Variants in STX18 observed in about 807,000 individuals in gnomAD.
STX18 encodes the protein syntaxin 18, also known as syntaxin-18.
A neutral mutation model predicts 50.1 loss-of-function variants in STX18; 40 were observed. That is an observed-to-expected ratio of 0.80 (90% CI 0.62 to 1.04). The LOEUF is 1.04. Ranked by LOEUF, STX18 falls within the 50% of genes least tolerant of loss-of-function variation. STX18 has a pLI of 0.00. For synonymous variants in STX18, 158 were observed against 151.8 expected, an observed-to-expected ratio of 1.04 and a Z score of -0.30; for missense variants, 410 against 415.8, an observed-to-expected ratio of 0.99 and a Z score of 0.12.
At chr4:4,477,216 C>A (rs2108843659) in intron 1 of STX18, among the ~76,000 whole-genome samples, 1 of 152,252 alleles carries the variant, frequency 6.6e-6, no homozygotes, top group South Asian at 2.1e-4. Context: ...GCACTCCAGC[C>A]TGGTGACAGA....
intron 5 of STX18, among the ~76,000 whole-genome samples, chr4:4,456,350 C>G (rs570039671): frequency 6.6e-6 from 1 of 152,300 alleles, no homozygotes; most frequent in Admixed American, 6.5e-5. Flanking sequence ...TAAAACCTTT[C>G]TAAAGCTAGT....
chr4:4,487,032 C>T (rs1201067622), intron 1 of STX18, among the ~76,000 whole-genome samples: 1 of 152,056 alleles, frequency 6.6e-6, no homozygotes, highest in Non-Finnish European at 1.5e-5. Flanking sequence ...AAACAAAAAA[C>T]TTTCTGCCTG....
intron 1 of STX18, among the ~76,000 whole-genome samples, chr4:4,534,487 A>G (rs948871116): frequency 3.9e-5 from 6 of 152,194 alleles, no homozygotes; most frequent in Non-Finnish European, 5.9e-5. Context: ...ACTAAATACT[A>G]AATACCTACT....
chr4:4,505,192 C>T (rs1205328446), intron 1 of STX18, among the ~76,000 whole-genome samples: 1 of 152,092 alleles, frequency 6.6e-6, no homozygotes, highest in African/African-American at 2.4e-5. Flanking sequence ...GGTTATGTCC[C>T]AATAAATCCA....
At chr4:4,427,657 G>C (rs1725317507) in intron 7 of STX18, among the ~76,000 whole-genome samples, 1 of 152,176 alleles carries the variant, frequency 6.6e-6, no homozygotes, top group Admixed American at 6.5e-5. Context: ...GGTTTGGGGT[G>C]ATTCATTCCT....
At chr4:4,460,887 T>A (rs527247276) in intron 2 of STX18, among the ~76,000 whole-genome samples, 1 of 152,186 alleles carries the variant, frequency 6.6e-6, no homozygotes, top group South Asian at 2.1e-4. Flanking sequence ...ACCAGATGAA[T>A]GGCTCCCCTC....
rs750381554 is a variant in STX18, at chr4:4,542,001, C to T, written c.-37G>A. On this transcript the variant is annotated 5_prime_UTR_variant, in exon 1 of 11. Transcript: ENST00000306200. ...CCCTCAGCCCCACACTAGGCCCGCC[C>T]ACGTAAGCAGCCGGCGACCGCGGCG... The T allele has an allele frequency of 7.2e-6, 11 of 1,532,150 alleles. No homozygotes were observed. The Admixed American group carries it at 7.8e-5, about 11-fold the overall frequency. The allele number at this position is 1,532,150 out of a possible 1,614,324, so 94.9% of individuals were successfully genotyped here. A position where few individuals can be genotyped will look rare whatever the true frequency, so the allele number is the denominator to read the frequency against.
chr4:4,525,520 T>C (rs1424005558), intron 1 of STX18, among the ~76,000 whole-genome samples: 1 of 152,192 alleles, frequency 6.6e-6, no homozygotes, highest in Non-Finnish European at 1.5e-5. Context: ...TCAAATGCCA[T>C]GTATGAATCC....
At chr4:4,421,643 A>G (rs1026665940) in intron 9 of STX18, among the ~76,000 whole-genome samples, 4 of 152,144 alleles carry the variant, frequency 2.6e-5, no homozygotes, top group Non-Finnish European at 5.9e-5. Flanking sequence ...CCTAAGAGCT[A>G]TTGTTTGTGG....
intron 5 of STX18, among the ~76,000 whole-genome samples, chr4:4,445,610 A>G (rs1006611833): frequency 6.6e-6 from 1 of 152,162 alleles, no homozygotes; most frequent in Non-Finnish European, 1.5e-5. Flanking sequence ...AAATCCAGGA[A>G]TAAATCTAAC....
At chr4:4,454,180 A>T (rs1485117932) in intron 5 of STX18, among the ~76,000 whole-genome samples, 5 of 152,230 alleles carry the variant, frequency 3.3e-5, no homozygotes, top group Non-Finnish European at 7.3e-5. Context: ...CGTTTTAGGC[A>T]GATGCCTTCT....
At chr4:4,509,247 C>T (rs529655595) in intron 1 of STX18, among the ~76,000 whole-genome samples, 5 of 151,538 alleles carry the variant, frequency 3.3e-5, no homozygotes, top group Non-Finnish European at 5.9e-5. Context: ...TTTTAGTAAT[C>T]GCCATTCTAA....
chr4:4,451,923 G>GA (rs1471755746), intron 5 of STX18, among the ~76,000 whole-genome samples: 1 of 152,234 alleles, frequency 6.6e-6, no homozygotes, highest in Non-Finnish European at 1.5e-5. Context: ...GTCAAAAGCT[G>GA]AGACAGGCTA....
chr4:4,480,917 T>C (rs540065964), intron 1 of STX18, among the ~76,000 whole-genome samples: 1 of 152,302 alleles, frequency 6.6e-6, no homozygotes, highest in African/African-American at 2.4e-5. Flanking sequence ...AATGAGATTG[T>C]TTTTAAGCAT....
chr4:4,482,383 T>C (rs542902547), intron 1 of STX18, among the ~76,000 whole-genome samples: 1 of 152,326 alleles, frequency 6.6e-6, no homozygotes, highest in African/African-American at 2.4e-5. Flanking sequence ...CCCAACGGTA[T>C]CCTCATGCAG....
At chr4:4,450,653 C>T (rs1726697044) in intron 5 of STX18, among the ~76,000 whole-genome samples, 1 of 152,174 alleles carries the variant, frequency 6.6e-6, no homozygotes, top group African/African-American at 2.4e-5. Flanking sequence ...AACCACCCGC[C>T]TCTACCACCC....
At chr4:4,517,994 C>CA (rs1457638330) in intron 1 of STX18, among the ~76,000 whole-genome samples, 2 of 152,114 alleles carry the variant, frequency 1.3e-5, no homozygotes, top group Admixed American at 1.3e-4. Flanking sequence ...AGGCTGGTCT[C>CA]AAACTCCTGA....
At chr4:4,447,374 G>C (rs904258891) in intron 5 of STX18, among the ~76,000 whole-genome samples, 1 of 151,478 alleles carries the variant, frequency 6.6e-6, no homozygotes, top group Admixed American at 6.6e-5. Flanking sequence ...CGGATCACGA[G>C]GTCAGGAGAT....
intron 2 of STX18, among the ~76,000 whole-genome samples, chr4:4,464,591 ACACTTT>A (rs781115944): frequency 9.9e-5 from 15 of 152,126 alleles, no homozygotes; most frequent in Non-Finnish European, 1.9e-4. Flanking sequence ...TTCTTTAAGG[ACACTTT>A]CTCTGACAAG....
Sources: gnomAD v4.1 joint callset for allele counts (sites outside exome capture counted in the v4.1 genomes callset) on GRCh38, gnomAD v4.1.1 for gene constraint, MANE v1.5 for transcripts, NCBI Gene and HGNC (gene_info 2026-07-23, HGNC 2026-07-21) for gene names.